The following MIEF2 variants were observed in gnomAD, a reference collection of about 807,000 sequenced individuals.
MIEF2 encodes the protein mitochondrial elongation factor 2.
In MIEF2, 1 loss-of-function variant was observed where a neutral mutation model predicts 7.4. The observed-to-expected ratio is 0.14, with a 90% CI of 0.05 to 0.64. MIEF2 has a LOEUF of 0.64. Among genes scored for constraint, MIEF2 ranks in the 30% least tolerant of loss-of-function variants. The probability of loss-of-function intolerance (pLI) is 0.85; values close to 1 mark genes in which losing one functional copy is unlikely to be tolerated. For missense variants in MIEF2, 569 were observed against 623.9 expected, an observed-to-expected ratio of 0.91 and a Z score of 0.94; for synonymous variants, 275 against 290.5, an observed-to-expected ratio of 0.95 and a Z score of 0.54.
chr17:18,263,603 A>T, intron 3 of MIEF2, 107 bp from the exon 4 acceptor site: 1 of 1,385,736 alleles, frequency 7.2e-7, no homozygotes, highest in Non-Finnish European at 9.5e-7. Flanking sequence ...GTGCCACTGC[A>T]GGTGAGAAAA....
intron 2 of MIEF2, 90 bp downstream of exon 2, chr17:18,262,957 A>C: frequency 6.5e-7 from 1 of 1,529,926 alleles, no homozygotes; most frequent in Non-Finnish European, 8.8e-7. Flanking sequence ...AGGGGTGGGG[A>C]CTGCCCAAGG....
In MIEF2 at chr17:18,264,004, T is replaced by C; in HGVS notation, c.605T>C (p.Leu202Pro). ...DHVRLLVPLV[L>P]EPGLWSLVPG... Reference sequence around the variant, plus strand: ...GTGCGTCTCCTGGTGCCACTGGTGCTGGAGCCGGGCCTGTGGAGCCTGGTG... The same window carrying C: ...GTGCGTCTCCTGGTGCCACTGGTGCCGGAGCCGGGCCTGTGGAGCCTGGTG... Residue 202 changes from leucine to proline, a missense_variant, in exon 4 of 4, where the codon CTG becomes CCG. By Grantham distance (98) the Leu-to-Pro change is moderately conservative. Transcript: ENST00000323019. The C allele has an allele frequency of 6.4e-7, 1 of 1,566,000 alleles. No homozygotes were observed. The highest frequency in any genetic ancestry group is 8.6e-7 in the Non-Finnish European group (1 of 1,158,752).
At chr17:18,260,821 G>T (rs1207444253) in intron 1 of MIEF2, 84 bp downstream of exon 1, 5 of 371,188 alleles carry the variant, frequency 1.3e-5, no homozygotes, top group African/African-American at 2.1e-5. Context: ...CGGGGGCGTG[G>T]CCCGCGATCA....
intron 1 of MIEF2, among the ~76,000 whole-genome samples, chr17:18,261,419 T>A (rs1233238959): frequency 6.6e-6 from 1 of 152,168 alleles, no homozygotes; most frequent in African/African-American, 2.4e-5. Flanking sequence ...ACCTGGCAAC[T>A]GGGCCCCTGG....
rs191767228 is a variant in MIEF2 at position 18,261,001 on chromosome 17, T to C, written c.-8+264T>C. 1,996 of 1,119,868 alleles carry C rather than the reference T, an allele frequency of 1.8e-3. 28 individuals are homozygous for C. The African/African-American group carries it at 0.027, about 15-fold the overall frequency. The allele number at this position is 1,119,868 out of a possible 1,614,324, so 69.4% of individuals were successfully genotyped here. On this transcript the variant is annotated intron_variant, in intron 1 of 3. Coordinates refer to ENST00000323019, the MANE Select transcript of MIEF2 (RefSeq NM_139162.4). ...CCGCCCGGGCCCAGGGCAGGCAGGT[T>C]TGGCGGAGGAGGGAAGGCCAAACGG...
chr17:18,260,787 C>T (rs927664761), intron 1 of MIEF2, 50 bp downstream of exon 1: 1 of 312,136 alleles, frequency 3.2e-6, no homozygotes, highest in East Asian at 7.0e-5. Flanking sequence ...GGGCTCGGGG[C>T]TTGGCGCGCG....
rs1191323359 is a variant in MIEF2, at chr17:18,265,110, C to T, written c.*346C>T. ...CCAACAGAATGTGGTTTCTGCCATC[C>T]TGGGCAGAAGCTGAAGGCCAGCTTC... On this transcript the variant is annotated 3_prime_UTR_variant, in exon 4 of 4. Transcript: ENST00000323019. 4.7e-6 allele frequency: 1 copy of T among 214,582 alleles called. No individual in the cohort carries two copies. Among genetic ancestry groups the T allele is most frequent in the East Asian group, 1.0e-4 (1 of 9,690 alleles). The allele number at this position is 214,582 out of a possible 1,614,324, so 13.3% of individuals were successfully genotyped here.
intron 1 of MIEF2, chr17:18,261,200 G>C: frequency 6.5e-7 from 1 of 1,550,230 alleles, no homozygotes; most frequent in Non-Finnish European, 8.7e-7. Flanking sequence ...TTGCAAAGTA[G>C]ATTCCTGGTC....
intron 3 of MIEF2, 190 bp from the exon 4 acceptor site, chr17:18,263,520 G>T: frequency 1.1e-6 from 1 of 883,768 alleles, no homozygotes; most frequent in Non-Finnish European, 1.7e-6. Flanking sequence ...CCAGGGTGTT[G>T]GACTCTGGGG....
chr17:18,264,682 TC>T lies in MIEF2; in HGVS notation c.1284del (p.Phe428LeufsTer39). 1.2e-6 allele frequency: 2 copies of T among 1,612,810 alleles called. No individual in the cohort carries two copies. The highest frequency in any genetic ancestry group is 2.2e-5 in the South Asian group (2 of 91,074). ...CACTTCAACCCCAGCGTGAACCTCTTCAGCAGCTTGCGTGAGGAGGAGATTG... is the reference window on the plus strand; with the variant it reads ...CACTTCAACCCCAGCGTGAACCTCTTAGCAGCTTGCGTGAGGAGGAGATTG... ...PCHFNPSVNL[F>X]SSLREEEIDD... On this transcript the variant is annotated frameshift_variant, in exon 4 of 4. Coordinates refer to ENST00000323019, the MANE Select transcript of MIEF2 (RefSeq NM_139162.4). LOFTEE classifies it low-confidence loss of function (END_TRUNC).
At chr17:18,260,863 G>A (rs943125153) in intron 1 of MIEF2, 126 bp downstream of exon 1, 6 of 520,558 alleles carry the variant, frequency 1.2e-5, no homozygotes, top group Middle Eastern at 5.1e-4. Context: ...GGACCTTTGG[G>A]GGACCAAGGG....
chr17:18,265,600 G>A lies in MIEF2; in HGVS notation c.*836G>A, dbSNP rs1978705356. 6.6e-6 allele frequency: 1 copy of A among 152,324 alleles called. No individual in the cohort carries two copies. Among genetic ancestry groups the A allele is most frequent in the African/African-American group, 2.4e-5 (1 of 41,448 alleles). The allele number at this position is 152,324 out of a possible 1,614,324, so 9.4% of individuals were successfully genotyped here. ...AGTGTGCCAAAATGAACTGCTCTCAGCTGATGGCTGTATTCTGACTTTGAA... is the reference window on the plus strand; with the variant it reads ...AGTGTGCCAAAATGAACTGCTCTCAACTGATGGCTGTATTCTGACTTTGAA... On this transcript the variant is annotated 3_prime_UTR_variant, in exon 4 of 4. Coordinates refer to ENST00000323019, the MANE Select transcript of MIEF2 (RefSeq NM_139162.4).
intron 1 of MIEF2, chr17:18,261,273 T>A (rs1978400230): frequency 7.6e-7 from 1 of 1,321,278 alleles, no homozygotes; most frequent in African/African-American, 1.5e-5. Flanking sequence ...AAACCGGCCC[T>A]GGGGCCGTGG....
In MIEF2 at chr17:18,263,989, T is replaced by A; in HGVS notation, c.590T>A (p.Leu197Gln). ...QAGAADHVRLLVPLVLEPGLW... is the reference protein window; with the variant it reads ...QAGAADHVRLQVPLVLEPGLW... Reference sequence around the variant, plus strand: ...GGGGCTGCGGACCATGTGCGTCTCCTGGTGCCACTGGTGCTGGAGCCGGGC... The same window carrying A: ...GGGGCTGCGGACCATGTGCGTCTCCAGGTGCCACTGGTGCTGGAGCCGGGC... The change falls in exon 4 of 4, where the codon CTG (leucine) becomes CAG (glutamine). Residue 197 changes from leucine to glutamine, a missense_variant. Coordinates refer to ENST00000323019, the MANE Select transcript of MIEF2 (RefSeq NM_139162.4). 2 of 1,568,392 alleles carry A rather than the reference T, an allele frequency of 1.3e-6. No homozygotes were observed. Among genetic ancestry groups the A allele is most frequent in the Non-Finnish European group, 1.7e-6 (2 of 1,159,824 alleles).
rs780453150 is a variant in MIEF2 at position 18,263,732 on chromosome 17, T to C, written c.333T>C (p.Pro111=). 1.3e-6 allele frequency: 2 copies of C among 1,590,800 alleles called. 1 individual carries two copies. The highest frequency in any genetic ancestry group is 2.2e-5 in the South Asian group (2 of 90,114). Residue 111 remains proline (P), a synonymous_variant, in exon 4 of 4, where the codon CCT becomes CCC. Transcript: ENST00000323019. ...CAGAAGGGCCTGCAGAAACTGATCCTGAGGTGACACCACAGCTCAGCTCCC... is the reference window on the plus strand; with the variant it reads ...CAGAAGGGCCTGCAGAAACTGATCCCGAGGTGACACCACAGCTCAGCTCCC... ...SAPEGPAETD[P]EVTPQLSSPA...
chr17:18,264,969 G>A lies in MIEF2; in HGVS notation c.*205G>A. 1 of 922,506 alleles carries A rather than the reference G, an allele frequency of 1.1e-6. No homozygotes were observed. Among genetic ancestry groups the A allele is most frequent in the Non-Finnish European group, 1.5e-6 (1 of 649,874 alleles). 57.1% of individuals were successfully genotyped at this position (922,506 alleles called of 1,614,324 possible). The stretch of plus-strand genomic sequence containing the variant: ...GAGAGCTTGGGTCACTGTCACCTGA[G>A]TGCAGCTGGGCTGCCTCAGGCAGCT... On this transcript the variant is annotated 3_prime_UTR_variant, in exon 4 of 4. Transcript: ENST00000323019.
In MIEF2 at chr17:18,264,849, TC is replaced by T; in HGVS notation, c.*86del. The stretch of plus-strand genomic sequence containing the variant: ...TTCCAGGGATTTGAATAGTGGTTTT[TC>T]TCTAGCTTTTTGCCAGAACAAAGGA... On this transcript the variant is annotated 3_prime_UTR_variant, in exon 4 of 4. Transcript: ENST00000323019. 1 of 1,501,748 alleles carries T rather than the reference TC, an allele frequency of 6.7e-7. No homozygotes were observed. Among genetic ancestry groups the T allele is most frequent in the East Asian group, 2.3e-5 (1 of 43,240 alleles). 93.0% of individuals were successfully genotyped at this position (1,501,748 alleles called of 1,614,324 possible). A position where few individuals can be genotyped will look rare whatever the true frequency, so the allele number is the denominator to read the frequency against.
At chr17:18,262,642 G>A in intron 1 of MIEF2, 72 bp from the exon 2 acceptor site, 1 of 1,417,668 alleles carries the variant, frequency 7.1e-7, no homozygotes, top group Non-Finnish European at 9.4e-7. Flanking sequence ...TAGAGCACCT[G>A]TCCACAGCAG....
intron 1 of MIEF2, among the ~76,000 whole-genome samples, 176 bp from the exon 2 acceptor site, chr17:18,262,538 T>C (rs1267613000): frequency 1.3e-5 from 2 of 152,200 alleles, no homozygotes; most frequent in South Asian, 2.1e-4. Flanking sequence ...AGGGCCTCGG[T>C]GTCCTCCCCT....
Sources: gnomAD v4.1 joint callset for allele counts (sites outside exome capture counted in the v4.1 genomes callset) on GRCh38, gnomAD v4.1.1 for gene constraint, MANE v1.5 for transcripts, NCBI Gene and HGNC (gene_info 2026-07-23, HGNC 2026-07-21) for gene names.